Variants in PRH1 observed in about 807,000 individuals in gnomAD.
PRH1 encodes the protein proline rich protein HaeIII subfamily 1.
PRH1 carries 7 observed loss-of-function variants against 7.9 expected under a neutral mutation model. That is an observed-to-expected ratio of 0.89 (90% CI 0.50 to 1.67). The LOEUF (loss-of-function observed/expected upper bound fraction) is 1.67, where lower values mean the gene tolerates loss of function less well. PRH1 is among the 40% of genes most tolerant of loss of function. The pLI is 0.00. For missense variants in PRH1, 109 were observed against 223.6 expected (o/e 0.49, Z 3.27); for synonymous variants, 45 against 80.8 (o/e 0.56, Z 2.38).
intron 2 of PRH1, among the ~76,000 whole-genome samples, chr12:10,972,039 A>T (rs1381946210): frequency 6.6e-6 from 1 of 152,212 alleles, no homozygotes; most frequent in Non-Finnish European, 1.5e-5. Flanking sequence ...ATGTCAGATC[A>T]TTTTGAGAAA....
intron 2 of PRH1, among the ~76,000 whole-genome samples, chr12:10,915,341 A>C (rs1949958947): frequency 6.6e-6 from 1 of 152,198 alleles, no homozygotes; most frequent in Non-Finnish European, 1.5e-5. Flanking sequence ...ACAATGCTCA[A>C]AGTATCTGAT....
At chr12:10,889,053 T>C (rs936019124), upstream of PRH1, among the ~76,000 whole-genome samples, 10 of 152,258 alleles carry the variant, frequency 6.6e-5, no homozygotes, top group Middle Eastern at 3.4e-3. Context: ...AAAACTCAAG[T>C]GAAAAAGGAA....
intron 2 of PRH1, among the ~76,000 whole-genome samples, chr12:10,920,525 A>C (rs1950031489): frequency 6.6e-6 from 1 of 152,138 alleles, no homozygotes; most frequent in Admixed American, 6.5e-5. Flanking sequence ...ATTTGTAATA[A>C]GAAAGGGAAT....
chr12:10,936,926 C>G (rs10492104), intron 2 of PRH1, among the ~76,000 whole-genome samples: 3,008 of 152,072 alleles, frequency 0.02, 35 homozygotes, highest in South Asian at 0.032. Context: ...TCAGTAAGGA[C>G]GTATGTTTAG....
At chr12:11,019,284 C>T (rs1171375921) in intron 1 of PRH1, among the ~76,000 whole-genome samples, 1 of 151,524 alleles carries the variant, frequency 6.6e-6, no homozygotes, top group East Asian at 1.9e-4. Context: ...ACCATGCTGT[C>T]TGTCTCACTA....
At chr12:11,110,614 G>C (rs1412069758) in intron 1 of PRH1, among the ~76,000 whole-genome samples, 2 of 152,188 alleles carry the variant, frequency 1.3e-5, no homozygotes, top group African/African-American at 4.8e-5. Flanking sequence ...AAGAGATTTT[G>C]TTACCACCAG....
intron 1 of PRH1, chr12:11,092,312 G>A: frequency 1.2e-6 from 1 of 817,162 alleles, no homozygotes; most frequent in South Asian, 1.5e-5. Context: ...TGGTCTCGCT[G>A]ACTTCAAAAG....
chr12:11,062,367 A>C (rs2136184333), intron 1 of PRH1: 1 of 1,438,598 alleles, frequency 7.0e-7, no homozygotes, highest in Non-Finnish European at 9.2e-7. Context: ...GAATATCCTG[A>C]CCTTAAATTC....
chr12:11,027,999 C>T (rs888887014), intron 1 of PRH1, among the ~76,000 whole-genome samples: 8 of 152,202 alleles, frequency 5.3e-5, no homozygotes, highest in South Asian at 4.1e-4. Context: ...GGTATGAGCA[C>T]GCCTCAGTGG....
chr12:11,023,802 A>G lies in PRH1; in HGVS notation c.-126+23218T>C, dbSNP rs142086361. Among the ~76,000 whole-genome samples, 7 of 152,352 alleles carry G rather than the reference A, an allele frequency of 4.6e-5. No homozygotes were observed. In the East Asian group the frequency reaches 9.6e-4, roughly 21 times the overall value. On this transcript the variant is annotated intron_variant, in intron 1 of 3. Transcript: ENST00000539853. ...AGATGCAGTACGTGGCCCATCTCCAATCACCAGAGCCATCCACCAAACCTA... is the reference window on the plus strand; with the variant it reads ...AGATGCAGTACGTGGCCCATCTCCAGTCACCAGAGCCATCCACCAAACCTA...
chr12:10,929,248 G>C (rs376610717), intron 2 of PRH1: 2 of 1,614,028 alleles, frequency 1.2e-6, no homozygotes, highest in African/African-American at 2.7e-5. Context: ...CATAAAGTTG[G>C]GAGTGACACC....
At chr12:11,150,422 A>G (rs920180925) in intron 1 of PRH1, among the ~76,000 whole-genome samples, 69 of 152,154 alleles carry the variant, frequency 4.5e-4, no homozygotes, top group African/African-American at 1.5e-3. Flanking sequence ...AACCAATCCA[A>G]ATGTCCAACA....
chr12:11,021,825 A>G (rs1260708579), intron 1 of PRH1: 4 of 1,614,274 alleles, frequency 2.5e-6, no homozygotes, highest in African/African-American at 2.7e-5. Context: ...TAAGATTCCA[A>G]GTTGATGTGA....
intron 2 of PRH1, among the ~76,000 whole-genome samples, chr12:10,926,672 A>G (rs1326475480): frequency 2.0e-5 from 3 of 152,190 alleles, no homozygotes; most frequent in Non-Finnish European, 4.4e-5. Context: ...CCGAACAACA[A>G]GCTTCTAGTA....
intron 1 of PRH1, among the ~76,000 whole-genome samples, chr12:11,019,879 C>T (rs929994213): frequency 3.3e-5 from 5 of 152,294 alleles, no homozygotes; most frequent in Non-Finnish European, 1.5e-5. Flanking sequence ...GTCATGGGGT[C>T]TGCTAGCCCC....
At chr12:10,935,715 G>C (rs889475574) in intron 2 of PRH1, among the ~76,000 whole-genome samples, 1 of 152,072 alleles carries the variant, frequency 6.6e-6, no homozygotes, top group African/African-American at 2.4e-5. Context: ...TAAACAACAC[G>C]GTGGAGTTAA....
rs563978926 is a variant in PRH1 at position 11,069,003 on chromosome 12, C to T, written n.124-21815G>A. Among the ~76,000 whole-genome samples the T allele has an allele frequency of 5.2e-4, 76 of 145,786 alleles. 4 individuals are homozygous for T. The highest frequency in any genetic ancestry group is 5.0e-3 in the Admixed American group (72 of 14,336). ...GCTCACTGCTCTCCACTGCTCTCTA[C>T]AGCTCCCAGCCTCAAGCTATCCTCC... On this transcript the variant is annotated intron_variant and non_coding_transcript_variant, in intron 1 of 4. Transcript: ENST00000541977.
chr12:10,930,844 C>T (rs761653240), intron 2 of PRH1: 3 of 1,613,686 alleles, frequency 1.9e-6, no homozygotes, highest in Non-Finnish European at 2.5e-6. Flanking sequence ...ACAAGGACCA[C>T]CCCAACAGGG....
intron 2 of PRH1, among the ~76,000 whole-genome samples, chr12:10,948,149 T>C (rs117958349): frequency 0.02 from 3,006 of 152,256 alleles, 33 homozygotes; most frequent in South Asian, 0.031. Flanking sequence ...TTCTCTGTAT[T>C]TCCTGAATAT....
Sources: allele counts gnomAD v4.1 joint callset (sites outside exome capture counted in the v4.1 genomes callset), GRCh38; gene constraint gnomAD v4.1.1; transcripts MANE v1.5; gene names NCBI Gene and HGNC (gene_info 2026-07-23, HGNC 2026-07-21).